Variants in GPRC6A observed in about 807,000 individuals in gnomAD.
GPRC6A encodes the protein G protein-coupled receptor family C group 6 member A.
GPRC6A carries 54 observed loss-of-function variants against 47.0 expected under a neutral mutation model. The ratio of observed to expected loss-of-function variants is 1.15; its 90% CI spans 0.92 to 1.44. The LOEUF (loss-of-function observed/expected upper bound fraction) is 1.44, where lower values mean the gene tolerates loss of function less well. GPRC6A is among the 40% of genes most tolerant of loss of function. GPRC6A has a pLI of 0.00. For missense variants in GPRC6A, 1,112 were observed against 1,105.5 expected (o/e 1.01, Z -0.08); for synonymous variants, 347 against 377.1 (o/e 0.92, Z 0.93).
chr6:116,820,909 A>G (rs1170701543), intron 1 of GPRC6A, among the ~76,000 whole-genome samples: 1 of 152,120 alleles, frequency 6.6e-6, no homozygotes, highest in African/African-American at 2.4e-5. Context: ...GGAAAAGAGG[A>G]AATCAAATTG....
chr6:116,810,784 T>A (rs1192384479), intron 1 of GPRC6A, among the ~76,000 whole-genome samples: 2 of 151,862 alleles, frequency 1.3e-5, no homozygotes, highest in Non-Finnish European at 2.9e-5. Flanking sequence ...ATTTTAACAT[T>A]ACAATTTCAA....
chr6:116,821,633 G>A (rs2114620483), intron 1 of GPRC6A, among the ~76,000 whole-genome samples: 2 of 152,132 alleles, frequency 1.3e-5, no homozygotes, highest in Middle Eastern at 6.8e-3. Context: ...TTAATAAATG[G>A]TGCTGGGAAA....
At chr6:116,822,891 T>TAAAAAAAAAAAAA (rs757893318) in intron 1 of GPRC6A, among the ~76,000 whole-genome samples, 8 of 117,462 alleles carry the variant, frequency 6.8e-5, no homozygotes, top group Non-Finnish European at 8.8e-5. Flanking sequence ...TACTAGTCTC[T>TAAAAAAAAAAAAA]AAAAAAAAAA....
chr6:116,799,522 A>G (rs1772594905), intron 4 of GPRC6A, among the ~76,000 whole-genome samples: 1 of 152,210 alleles, frequency 6.6e-6, no homozygotes, highest in African/African-American at 2.4e-5. Flanking sequence ...GGTAAGTGAT[A>G]TATGTTAATA....
intron 1 of GPRC6A, among the ~76,000 whole-genome samples, chr6:116,814,168 G>T (rs540119000): frequency 3.3e-5 from 5 of 152,108 alleles, no homozygotes; most frequent in Admixed American, 6.5e-5. Flanking sequence ...AGTGTAAATT[G>T]GTTCAACCAT....
At chr6:116,822,864 A>T (rs1178660523) in intron 1 of GPRC6A, among the ~76,000 whole-genome samples, 2 of 144,308 alleles carry the variant, frequency 1.4e-5, no homozygotes, top group Admixed American at 6.8e-5. Context: ...GTATAATAAT[A>T]AAAAAAAAGA....
At chr6:116,795,906 G>T in intron 4 of GPRC6A, 71 bp from the exon 5 acceptor site, 2 of 1,022,842 alleles carry the variant, frequency 2.0e-6, no homozygotes, top group Non-Finnish European at 2.8e-6. Context: ...ATTATCCTCG[G>T]CTTAACTTAA....
At position 116,795,759 on chromosome 6, in the gene GPRC6A, C is replaced by A. The variant is rs1159186185; in HGVS notation, c.1625G>T (p.Cys542Phe). Reference protein sequence around the residue: ...KKTTRSQHICCYECQNCPENH... With the variant: ...KKTTRSQHICFYECQNCPENH... ...TTCAGGACAGTTCTGACATTCATAG[C>A]AACAGATGTGTTGACTTCTTGTAGT... The change falls in exon 5 of 6, where the codon TGC becomes TTC. Residue 542 changes from cysteine to phenylalanine, a missense_variant. Cys to Phe is a radical substitution (Grantham distance 205, BLOSUM62 -2). Transcript: ENST00000310357. The A allele has an allele frequency of 3.1e-6, 5 of 1,610,402 alleles. No homozygotes were observed. The highest frequency in any genetic ancestry group is 3.3e-5 in the Admixed American group (2 of 59,936).
In GPRC6A at chr6:116,809,519, T is replaced by A; in HGVS notation, c.293A>T (p.Glu98Val). 2 of 1,613,484 alleles carry A rather than the reference T, an allele frequency of 1.2e-6. No individual in the cohort carries two copies. Among genetic ancestry groups the A allele is most frequent in the Non-Finnish European group, 1.7e-6 (2 of 1,179,550 alleles). Residue 98 changes from glutamate to valine, a missense_variant, in exon 2 of 6, where the codon GAA becomes GTA. Transcript: ENST00000310357. Reference protein sequence around the residue: ...TLLPGVKLGYEIYDTCTEVTV... With the variant: ...TLLPGVKLGYVIYDTCTEVTV... ...GACTTCTGTACAAGTGTCATAGATT[T>A]CATACCCCAGTTTGACTCCAGGTAA... is the stretch of plus-strand genomic sequence containing the variant.
rs771148582 is a variant in GPRC6A, at chr6:116,793,204, A to G, written c.1719T>C (p.Pro573=). The change falls in exon 6 of 6, where the codon CCT becomes CCC. Residue 573 remains proline (P), a synonymous_variant. Transcript: ENST00000310357. ...LLCNNKTHWA[P]VRSTMCFEKE... is the part of the protein sequence containing the mutation. The stretch of plus-strand genomic sequence containing the variant: ...TTTCAAAGCACATAGTGCTCCTAAC[A>G]GGGGCCCAGTGAGTTTTGTTGTTGC... 8 of 1,607,758 alleles carry G rather than the reference A, an allele frequency of 5.0e-6. No individual in the cohort carries two copies. Among genetic ancestry groups the G allele is most frequent in the Non-Finnish European group, 6.8e-6 (8 of 1,177,128 alleles).
chr6:116,807,073 A>G lies in GPRC6A; in HGVS notation c.632T>C (p.Ile211Thr), dbSNP rs1248526578. The G allele has an allele frequency of 3.7e-6, 6 of 1,613,630 alleles. No individual in the cohort carries two copies. The highest frequency in any genetic ancestry group is 5.1e-6 in the Non-Finnish European group (6 of 1,179,736). Residue 211 changes from isoleucine to threonine, a missense_variant, in exon 3 of 6, where the codon ATT (isoleucine) becomes ACT (threonine). Transcript: ENST00000310357. ...GTCATCATCTGTGGTTATGATGCCA[A>G]TCCAGTTCCAACCAGATTTCTGAAT... is the stretch of plus-strand genomic sequence containing the variant. ...HLIQKSGWNW[I>T]GIITTDDDYG...
intron 1 of GPRC6A, among the ~76,000 whole-genome samples, chr6:116,824,564 C>A (rs1773617842): frequency 6.6e-6 from 1 of 151,882 alleles, no homozygotes; most frequent in Admixed American, 6.6e-5. Flanking sequence ...AAAACCTGAG[C>A]AGACCAATAA....
chr6:116,817,176 G>C (rs1369422539), intron 1 of GPRC6A, among the ~76,000 whole-genome samples: 1 of 151,168 alleles, frequency 6.6e-6, no homozygotes, highest in East Asian at 1.9e-4. Flanking sequence ...CTCCCAGCAC[G>C]CAGCTGGAGA....
intron 3 of GPRC6A, among the ~76,000 whole-genome samples, chr6:116,803,152 AT>A (rs1772729702): frequency 6.6e-6 from 1 of 152,036 alleles, no homozygotes; most frequent in African/African-American, 2.4e-5. Flanking sequence ...CATCTGCAAC[AT>A]TTTTGATGCT....
rs776054967 is a variant in GPRC6A, at chr6:116,795,715, T to G, written c.1669A>C (p.Thr557Pro). The change falls in exon 5 of 6, where the codon ACA (threonine) becomes CCA (proline). Residue 557 changes from threonine (T) to proline (P), a missense_variant. By Grantham distance (38) the Thr-to-Pro change is conservative. Coordinates refer to ENST00000310357, the MANE Select transcript of GPRC6A (RefSeq NM_148963.4). ...TATGTGGAGTGACTGTGATTACCTG[T>G]CTGATTAGTGTAATGATTTTCAGGA... ...NCPENHYTNQ[T>P]DMPHCLLCNN... The G allele has an allele frequency of 1.9e-6, 3 of 1,608,376 alleles. No homozygotes were observed. Among genetic ancestry groups the G allele is most frequent in the Admixed American group, 1.7e-5 (1 of 59,774 alleles).
At position 116,792,666 on chromosome 6, in the gene GPRC6A, CA is replaced by C; in HGVS notation, c.2256del (p.Phe752LeufsTer42). 5 of 1,613,506 alleles carry C rather than the reference CA, an allele frequency of 3.1e-6. No homozygotes were observed. Among genetic ancestry groups the C allele is most frequent in the Non-Finnish European group, 4.2e-6 (5 of 1,179,630 alleles). The part of the protein sequence containing the change: ...LECEEGSILA[F>X]GTMLGYIAIL... ...ATGGCAATGTAGCCCAGCATGGTGCCAAATGCAAGTATGGATCCCTCCTCAC... is the reference window on the plus strand; with the variant it reads ...ATGGCAATGTAGCCCAGCATGGTGCCAATGCAAGTATGGATCCCTCCTCAC... On this transcript the variant is annotated frameshift_variant, in exon 6 of 6. Transcript: ENST00000310357. LOFTEE classifies it low-confidence loss of function (END_TRUNC).
chr6:116,817,247 T>C (rs1196972073), intron 1 of GPRC6A, among the ~76,000 whole-genome samples: 1 of 152,092 alleles, frequency 6.6e-6, no homozygotes, highest in Non-Finnish European at 1.5e-5. Context: ...CCGAGCAGCC[T>C]AACTGGGAGG....
intron 5 of GPRC6A, among the ~76,000 whole-genome samples, chr6:116,793,472 A>G (rs550935125): frequency 6.6e-5 from 10 of 152,302 alleles, no homozygotes; most frequent in South Asian, 4.1e-4. Flanking sequence ...GAAAATAGAG[A>G]AAGAAAAAAA....
In GPRC6A at chr6:116,828,931, A is replaced by G. The variant is rs771448048; in HGVS notation, c.83T>C (p.Val28Ala). 1.9e-6 allele frequency: 3 copies of G among 1,613,446 alleles called. No homozygotes were observed. The highest frequency in any genetic ancestry group is 2.2e-5 in the South Asian group (2 of 91,044). The change falls in exon 1 of 6, where the codon GTG becomes GCG. Residue 28 changes from valine (V) to alanine (A), a missense_variant. Transcript: ENST00000310357. The part of the protein sequence containing the change: ...SQPCQTPDDF[V>A]AATSPGHIII... ...GATATGTCCCGGAGAAGTGGCAGCC[A>G]CAAAGTCATCAGGGGTCTGGCAAGG...
Sources: gnomAD v4.1 joint callset for allele counts (sites outside exome capture counted in the v4.1 genomes callset) on GRCh38, gnomAD v4.1.1 for gene constraint, MANE v1.5 for transcripts, NCBI Gene and HGNC (gene_info 2026-07-23, HGNC 2026-07-21) for gene names.